The following FAM186A variants were observed in gnomAD, a reference collection of about 807,000 sequenced individuals.
FAM186A encodes protein FAM186A.
A neutral mutation model predicts 216.8 loss-of-function variants in FAM186A; 163 were observed. The observed-to-expected ratio is 0.75, with a 90% confidence interval of 0.66 to 0.86. The LOEUF is 0.86. Among genes scored for constraint, FAM186A ranks in the 40% least tolerant of loss-of-function variants. The pLI is 0.00. For missense variants in FAM186A, 2,184 were observed against 2,746.2 expected (o/e 0.80, Z 4.58); for synonymous variants, 805 against 1,025.3 (o/e 0.79, Z 4.10).
At chr12:50,360,088 CA>C (rs1281911269) in intron 3 of FAM186A, among the ~76,000 whole-genome samples, 1 of 151,312 alleles carries the variant, frequency 6.6e-6, no homozygotes, top group Non-Finnish European at 1.5e-5. Flanking sequence ...ACAAAAAGTA[CA>C]AAAAATTAGC....
At position 50,350,872 on chromosome 12, in the gene FAM186A, T is replaced by G; in HGVS notation, c.5960A>C (p.Lys1987Thr). ...GTCAGAGACCTCCGACATTTGGAAC[T>G]TCTTAGTGGTGAAAGGAACTTGAGC... The part of the protein sequence containing the change: ...KVAQVPFTTK[K>T]FQMSEVSDTS... The change falls in exon 4 of 8, where the codon AAG (lysine) becomes ACG (threonine). Residue 1987 changes from lysine to threonine, a missense_variant. Coordinates refer to ENST00000327337, the MANE Select transcript of FAM186A (RefSeq NM_001145475.3). 1 of 1,551,710 alleles carries G rather than the reference T, an allele frequency of 6.4e-7. No individual in the cohort carries two copies. The highest frequency in any genetic ancestry group is 8.7e-7 in the Non-Finnish European group (1 of 1,146,990).
chr12:50,358,829 A>G (rs1431567479), intron 3 of FAM186A, among the ~76,000 whole-genome samples: 1 of 151,316 alleles, frequency 6.6e-6, no homozygotes, highest in East Asian at 2.0e-4. Context: ...AGGCTGAGGC[A>G]GGAGAATCGC....
chr12:50,380,993 G>A (rs879553483), intron 1 of FAM186A, among the ~76,000 whole-genome samples: 43 of 152,020 alleles, frequency 2.8e-4, no homozygotes, highest in Non-Finnish European at 5.7e-4. Context: ...GCACAGTGCC[G>A]ACTCCCTGTG....
Position 50,375,108 on chromosome 12 carries a change from G to A in FAM186A, c.193-11744C>T, listed in dbSNP as rs1481323516. On this transcript the variant is annotated intron_variant, in intron 1 of 7. Transcript: ENST00000327337. ...CATGAGAATCGCTTGAACCCAGGAGGCAGAGGTTGCAGTGAGCCAAGATCG... is the reference window on the plus strand; with the variant it reads ...CATGAGAATCGCTTGAACCCAGGAGACAGAGGTTGCAGTGAGCCAAGATCG... 2.6e-5 allele frequency among the ~76,000 whole-genome samples: 4 copies of A among 152,254 alleles called. No individual in the cohort carries two copies. In the East Asian group the frequency reaches 7.7e-4, roughly 29 times the overall value.
chr12:50,345,421 A>AT (rs1942802665), intron 4 of FAM186A, among the ~76,000 whole-genome samples: 3 of 152,142 alleles, frequency 2.0e-5, no homozygotes, highest in Non-Finnish European at 2.9e-5. Context: ...ATAAATAAAA[A>AT]CAAAAAAAGA....
intron 1 of FAM186A, among the ~76,000 whole-genome samples, chr12:50,395,910 T>C (rs1008066452): frequency 6.6e-6 from 1 of 152,092 alleles, no homozygotes; most frequent in Admixed American, 6.6e-5. Context: ...TACAGGCAAG[T>C]GCAATCATGC....
chr12:50,356,824 C>T (rs1942981836), intron 3 of FAM186A, among the ~76,000 whole-genome samples: 2 of 151,646 alleles, frequency 1.3e-5, no homozygotes, highest in African/African-American at 4.8e-5. Context: ...TATGGTGAAA[C>T]CCTGTCTCTA....
At chr12:50,361,659 C>G (rs1943036965) in intron 2 of FAM186A, among the ~76,000 whole-genome samples, 1 of 151,016 alleles carries the variant, frequency 6.6e-6, no homozygotes, top group African/African-American at 2.4e-5. Context: ...CAACCTCTAC[C>G]TCCCAGGTTC....
intron 4 of FAM186A, among the ~76,000 whole-genome samples, chr12:50,334,910 TAA>T: frequency 6.6e-6 from 1 of 152,300 alleles, no homozygotes; most frequent in South Asian, 2.1e-4. Context: ...AAATTTTCAT[TAA>T]GTCTTCACAA....
At chr12:50,333,804 C>A in intron 5 of FAM186A, 107 bp downstream of exon 5, 1 of 1,087,998 alleles carries the variant, frequency 9.2e-7, no homozygotes, top group Admixed American at 3.0e-5. Flanking sequence ...TTACAGCAGC[C>A]CAGGAAAGTA....
chr12:50,334,177 T>A lies in FAM186A; in HGVS notation c.6504-74A>T, dbSNP rs1724793039. The A allele has an allele frequency of 1.1e-5, 13 of 1,150,292 alleles. No individual in the cohort carries two copies. The South Asian group carries it at 2.2e-4, about 19-fold the overall frequency. The allele number at this position is 1,150,292 out of a possible 1,614,324, so 71.3% of individuals were successfully genotyped here. On this transcript the variant is annotated intron_variant, in intron 4 of 7. Coordinates refer to ENST00000327337, the MANE Select transcript of FAM186A (RefSeq NM_001145475.3). ...TTCAACAAACTTGTCCTCAGTTTCT[T>A]TTTTTTTTTTGAGACGGAGTTTCGA...
intron 1 of FAM186A, among the ~76,000 whole-genome samples, chr12:50,375,905 C>A (rs1323570207): frequency 6.6e-6 from 1 of 151,898 alleles, no homozygotes; most frequent in Non-Finnish European, 1.5e-5. Context: ...GATCGTGATA[C>A]CGGCCCGGAT....
At chr12:50,327,482 G>A in intron 7 of FAM186A, 78 bp from the exon 8 acceptor site, 1 of 1,010,146 alleles carries the variant, frequency 9.9e-7, no homozygotes, top group Non-Finnish European at 1.5e-6. Flanking sequence ...GAGTCATAGG[G>A]AAAATAAAAG....
chr12:50,380,609 T>A lies in FAM186A; in HGVS notation c.192+15684A>T, dbSNP rs537046372. Among the ~76,000 whole-genome samples the A allele has an allele frequency of 5.3e-5, 8 of 150,178 alleles. 1 individual carries two copies. The South Asian group carries it at 1.7e-3, about 32-fold the overall frequency. On this transcript the variant is annotated intron_variant, in intron 1 of 7. Transcript: ENST00000327337. Reference sequence around the variant, plus strand: ...TACTCAGGAGGCTGAGGCAAGAGAATCGCTTGAACCTGGGAGGTGGAGGTT... The same window carrying A: ...TACTCAGGAGGCTGAGGCAAGAGAAACGCTTGAACCTGGGAGGTGGAGGTT...
Position 50,354,808 on chromosome 12 carries a change from G to C in FAM186A, c.2024C>G (p.Ala675Gly). ...TTTCTGTTTTAGGAAAGCCATTATGGCTTCCTGAAATTCTTCGAGGTTACT... is the reference window on the plus strand; with the variant it reads ...TTTCTGTTTTAGGAAAGCCATTATGCCTTCCTGAAATTCTTCGAGGTTACT... ...EQSNLEEFQE[A>G]IMAFLKQKID... is the part of the protein sequence containing the mutation. The change falls in exon 4 of 8, where the codon GCC becomes GGC. Residue 675 changes from alanine to glycine, a missense_variant. Ala to Gly is a moderately conservative substitution (Grantham distance 60). Coordinates refer to ENST00000327337, the MANE Select transcript of FAM186A (RefSeq NM_001145475.3). 1 of 1,535,528 alleles carries C rather than the reference G, an allele frequency of 6.5e-7. No individual in the cohort carries two copies.
Position 50,396,543 on chromosome 12 carries a change from C to G in FAM186A, c.-59G>C. The G allele has an allele frequency of 6.8e-7, 1 of 1,471,020 alleles. No individual in the cohort carries two copies. The highest frequency in any genetic ancestry group is 1.4e-5 in the South Asian group (1 of 73,306). The allele number at this position is 1,471,020 out of a possible 1,614,324, so 91.1% of individuals were successfully genotyped here. On this transcript the variant is annotated 5_prime_UTR_variant, in exon 1 of 8. Coordinates refer to ENST00000327337, the MANE Select transcript of FAM186A (RefSeq NM_001145475.3). ...CTTTTTCACAGAATCTACAAAAATG[C>G]TAATAAAGATATCCAGTAGGAAGCT...
At chr12:50,370,767 A>C (rs550350441) in intron 1 of FAM186A, among the ~76,000 whole-genome samples, 1 of 152,308 alleles carries the variant, frequency 6.6e-6, no homozygotes, top group African/African-American at 2.4e-5. Context: ...ATTGACAGAT[A>C]AATGGATAAA....
At chr12:50,379,870 C>A (rs1456277459) in intron 1 of FAM186A, among the ~76,000 whole-genome samples, 7 of 151,844 alleles carry the variant, frequency 4.6e-5, no homozygotes, top group Non-Finnish European at 1.0e-4. Context: ...AAAAATTATG[C>A]ATGAATCTAC....
At chr12:50,362,701 G>A (rs941032469) in intron 2 of FAM186A, among the ~76,000 whole-genome samples, 2 of 135,946 alleles carry the variant, frequency 1.5e-5, no homozygotes, top group African/African-American at 2.8e-5. Context: ...CTGAGATCGC[G>A]CCACTGCACT....
Sources: gnomAD v4.1 joint callset for allele counts (sites outside exome capture counted in the v4.1 genomes callset) on GRCh38, gnomAD v4.1.1 for gene constraint, MANE v1.5 for transcripts, NCBI Gene and HGNC (gene_info 2026-07-23, HGNC 2026-07-21) for gene names.